CCDC25: variants seen among roughly 807,000 people sequenced by gnomAD.
CCDC25 encodes coiled-coil domain containing 25.
Under a neutral mutation model 35.3 loss-of-function variants are expected in CCDC25, and 16 were observed. The ratio of observed to expected loss-of-function variants is 0.45; its 90% confidence interval spans 0.31 to 0.69. The LOEUF (loss-of-function observed/expected upper bound fraction) is 0.69, where lower values mean the gene tolerates loss of function less well. CCDC25 is among the 30% of genes least tolerant of loss of function. The pLI, the probability that CCDC25 is intolerant of heterozygous loss-of-function variation, is 0.06. For synonymous variants in CCDC25, 79 were observed against 80.3 expected (o/e 0.98, Z 0.09); for missense variants, 179 against 250.7 (o/e 0.71, Z 1.93).
intron 7 of CCDC25, 150 bp downstream of exon 7, chr8:27,747,927 T>G: frequency 1.4e-6 from 1 of 720,616 alleles, no homozygotes; most frequent in Non-Finnish European, 2.3e-6. Context: ...AAATGCCTTT[T>G]TTTAAAAAAC....
chr8:27,739,789 T>A (rs1803373273), intron 8 of CCDC25, among the ~76,000 whole-genome samples: 1 of 152,134 alleles, frequency 6.6e-6, no homozygotes, highest in Non-Finnish European at 1.5e-5. Context: ...CCCAAATACA[T>A]CCACCCAGTT....
At position 27,746,744 on chromosome 8, in the gene CCDC25, G is replaced by A. The variant is rs138527833; in HGVS notation, c.551+1333C>T. 8.5e-5 allele frequency among the ~76,000 whole-genome samples: 13 copies of A among 152,288 alleles called. No homozygotes were observed. In the East Asian group the frequency reaches 2.3e-3, roughly 27 times the overall value. On this transcript the variant is annotated intron_variant, in intron 7 of 8. Coordinates refer to ENST00000356537, the MANE Select transcript of CCDC25 (RefSeq NM_018246.3). Reference sequence around the variant, plus strand: ...TTAGTTGGCCTCATATTAGCAGATTGTAACTCAGGGTAACATTTCTGAAGC... The same window carrying A: ...TTAGTTGGCCTCATATTAGCAGATTATAACTCAGGGTAACATTTCTGAAGC...
intron 4 of CCDC25, among the ~76,000 whole-genome samples, chr8:27,755,452 G>C (rs892583294): frequency 4.6e-5 from 7 of 152,134 alleles, no homozygotes; most frequent in African/African-American, 1.4e-4. Flanking sequence ...ATAAATAGGG[G>C]AAAAGAGACA....
intron 5 of CCDC25, among the ~76,000 whole-genome samples, chr8:27,748,860 T>C (rs1309914730): frequency 6.6e-6 from 1 of 152,078 alleles, no homozygotes; most frequent in Non-Finnish European, 1.5e-5. Context: ...CTCTCTAAAA[T>C]TGGATGCAAA....
At chr8:27,770,577 A>C (rs957886012) in intron 1 of CCDC25, among the ~76,000 whole-genome samples, 2 of 151,900 alleles carry the variant, frequency 1.3e-5, no homozygotes, top group African/African-American at 4.8e-5. Context: ...GTCTCTACTA[A>C]AAAAATACAA....
At chr8:27,757,056 A>G (rs1312763051) in intron 3 of CCDC25, among the ~76,000 whole-genome samples, 1 of 152,228 alleles carries the variant, frequency 6.6e-6, no homozygotes, top group African/African-American at 2.4e-5. Flanking sequence ...TATAAAAAGA[A>G]CTATCAGTGA....
rs543189534 is a variant in CCDC25, at chr8:27,737,956, A to AT, written c.598-1712dup. ...CTATAAAAAGGAATATATTAACAGC[A>AT]TTTGCAGTGACCTGGATGAGACTGG... On this transcript the variant is annotated intron_variant, in intron 8 of 8. Transcript: ENST00000356537. This position sits in a 1 kb window ranked among gnomAD's most constrained non-coding sequence, Gnocchi z 4.6. Among the ~76,000 whole-genome samples the AT allele has an allele frequency of 1.4e-3, 220 of 152,112 alleles. 2 individuals are homozygous for AT. The highest frequency in any genetic ancestry group is 5.0e-3 in the African/African-American group (207 of 41,478).
chr8:27,765,527 A>G (rs540316193), intron 1 of CCDC25, among the ~76,000 whole-genome samples: 1 of 152,284 alleles, frequency 6.6e-6, no homozygotes, highest in African/African-American at 2.4e-5. Context: ...CCCAAAAGAG[A>G]AAGTTTACCA....
At chr8:27,754,340 G>A (rs1419452830) in intron 4 of CCDC25, among the ~76,000 whole-genome samples, 1 of 152,142 alleles carries the variant, frequency 6.6e-6, no homozygotes, top group African/African-American at 2.4e-5. Context: ...TTCATAAAAT[G>A]TCATGTTAAA....
chr8:27,766,204 T>C (rs75369181), intron 1 of CCDC25, among the ~76,000 whole-genome samples: 2,240 of 152,260 alleles, frequency 0.015, 49 homozygotes, highest in African/African-American at 0.046. Flanking sequence ...GAAAAATAAA[T>C]ACACACTGAA....
intron 3 of CCDC25, 114 bp from the exon 4 acceptor site, chr8:27,756,884 G>A (rs563517313): frequency 2.7e-6 from 2 of 740,132 alleles, no homozygotes; most frequent in Admixed American, 2.0e-5. Context: ...CCTGCCACAT[G>A]TGAAGCATCA....
chr8:27,747,277 C>A (rs921342462), intron 7 of CCDC25, among the ~76,000 whole-genome samples: 3 of 152,100 alleles, frequency 2.0e-5, no homozygotes, highest in African/African-American at 7.2e-5. Context: ...TCACACTGTT[C>A]CTTAAAAGCA....
rs1419101890 is a variant in CCDC25 at position 27,736,089 on chromosome 8, A to C, written c.*127T>G. The C allele has an allele frequency of 6.1e-6, 5 of 823,676 alleles. No individual in the cohort carries two copies. The highest frequency in any genetic ancestry group is 5.3e-5 in the African/African-American group (3 of 56,692). 51.0% of individuals were successfully genotyped at this position (823,676 alleles called of 1,614,324 possible). ...ATTTTTTTAAAACTTGAAAATCAAT[A>C]ATTTCTGGGTAGGATGAAGGTAGAA... On this transcript the variant is annotated 3_prime_UTR_variant, in exon 9 of 9. Coordinates refer to ENST00000356537, the MANE Select transcript of CCDC25 (RefSeq NM_018246.3).
chr8:27,751,408 G>A (rs1263162208), intron 5 of CCDC25, among the ~76,000 whole-genome samples: 1 of 152,198 alleles, frequency 6.6e-6, no homozygotes, highest in Non-Finnish European at 1.5e-5. Context: ...GAAAATCAGT[G>A]GCTCTGTAAA....
chr8:27,755,224 G>A (rs145567927), intron 4 of CCDC25, among the ~76,000 whole-genome samples: 19 of 152,274 alleles, frequency 1.2e-4, no homozygotes, highest in Non-Finnish European at 2.2e-4. Flanking sequence ...AATACAAGAC[G>A]AGCCTGGAGC....
intron 1 of CCDC25, among the ~76,000 whole-genome samples, chr8:27,770,661 C>T (rs1463671646): frequency 6.6e-6 from 1 of 151,560 alleles, no homozygotes; most frequent in East Asian, 1.9e-4. Flanking sequence ...ATCGCTTGAA[C>T]CCGGGAGGCA....
chr8:27,763,023 G>C (rs1164245635), intron 2 of CCDC25, among the ~76,000 whole-genome samples: 1 of 152,102 alleles, frequency 6.6e-6, no homozygotes, highest in Non-Finnish European at 1.5e-5. Flanking sequence ...GGTGGAACAT[G>C]GGTATTAAGA....
chr8:27,772,549 GA>G lies in CCDC25; in HGVS notation c.-10del, dbSNP rs1563465291. On this transcript the variant is annotated 5_prime_UTR_variant, in exon 1 of 9. Transcript: ENST00000356537. ...GTGAAGTAGAACACCATGATCCCGG[GA>G]GCGGTGCGGTGACTCCACCGCGGAG... The G allele has an allele frequency of 6.5e-7, 1 of 1,549,280 alleles. No homozygotes were observed. The highest frequency in any genetic ancestry group is 8.7e-7 in the Non-Finnish European group (1 of 1,146,574).
intron 1 of CCDC25, among the ~76,000 whole-genome samples, chr8:27,769,227 C>T (rs1804504730): frequency 6.6e-6 from 1 of 152,036 alleles, no homozygotes. Flanking sequence ...ATCAGCTGCA[C>T]AAGTGCACTT....
Sources: gnomAD v4.1 joint callset for allele counts (sites outside exome capture counted in the v4.1 genomes callset) on GRCh38, gnomAD v4.1.1 for gene constraint, Gnocchi (gnomAD v3.1) non-coding constraint, MANE v1.5 for transcripts, NCBI Gene and HGNC (gene_info 2026-07-23, HGNC 2026-07-21) for gene names.